Variants in SPOCK3 observed in about 807,000 individuals in gnomAD.
The protein encoded by SPOCK3 is testican-3.
SPOCK3 carries 30 observed loss-of-function variants against 56.6 expected under a neutral mutation model. That is an observed-to-expected ratio of 0.53 (90% CI 0.40 to 0.72). The LOEUF (loss-of-function observed/expected upper bound fraction) is 0.72. Ranked by LOEUF, SPOCK3 falls within the 30% of genes least tolerant of loss-of-function variation. The pLI is 0.00. For synonymous variants in SPOCK3, 196 were observed against 183.3 expected (o/e 1.07, Z -0.56); for missense variants, 527 against 530.0 (o/e 0.99, Z 0.06).
intron 2 of SPOCK3, among the ~76,000 whole-genome samples, chr4:167,204,693 C>G (rs1174588671): frequency 6.6e-6 from 1 of 151,828 alleles, no homozygotes; most frequent in African/African-American, 2.4e-5. Flanking sequence ...TCAGAACTCT[C>G]TTTGGTTAAT....
intron 4 of SPOCK3, among the ~76,000 whole-genome samples, chr4:166,950,236 G>A (rs1253349194): frequency 6.6e-6 from 1 of 151,732 alleles, no homozygotes; most frequent in African/African-American, 2.4e-5. Flanking sequence ...AAAGAATGCA[G>A]GAAGATCTAC....
At chr4:167,014,052 T>A (rs1386197180) in intron 3 of SPOCK3, among the ~76,000 whole-genome samples, 1 of 152,124 alleles carries the variant, frequency 6.6e-6, no homozygotes, top group Non-Finnish European at 1.5e-5. Context: ...ATTTGGCCAT[T>A]ATCATTTGAC....
intron 2 of SPOCK3, among the ~76,000 whole-genome samples, chr4:167,090,884 C>T (rs1758646919): frequency 6.6e-6 from 1 of 151,806 alleles, no homozygotes; most frequent in African/African-American, 2.4e-5. Flanking sequence ...ACAAAATTAA[C>T]CAATATTAAC....
rs529503543 is a variant in SPOCK3, at chr4:166,950,888, G to A, written c.351-38145C>T. Among the ~76,000 whole-genome samples the A allele has an allele frequency of 4.1e-4, 59 of 144,870 alleles. No homozygotes were observed. The East Asian group carries it at 7.9e-3, about 19-fold the overall frequency. ...AATAAAGATGTTCTTTGAAACCAACGAGAACAAAGACACAACATACCAGAA... is the reference window on the plus strand; with the variant it reads ...AATAAAGATGTTCTTTGAAACCAACAAGAACAAAGACACAACATACCAGAA... On this transcript the variant is annotated intron_variant, in intron 4 of 10. Transcript: ENST00000357545.
chr4:167,072,000 T>C (rs1756732324), intron 2 of SPOCK3, among the ~76,000 whole-genome samples: 3 of 152,066 alleles, frequency 2.0e-5, no homozygotes, highest in Admixed American at 1.3e-4. Flanking sequence ...CATTAACACA[T>C]GTAAAAACAT....
intron 6 of SPOCK3, among the ~76,000 whole-genome samples, chr4:166,825,806 T>C (rs1362218063): frequency 6.6e-6 from 1 of 151,986 alleles, no homozygotes; most frequent in African/African-American, 2.4e-5. Flanking sequence ...AAATCAAATA[T>C]TGTATGTTCT....
intron 4 of SPOCK3, among the ~76,000 whole-genome samples, chr4:166,958,119 G>T (rs1380015186): frequency 1.3e-5 from 2 of 152,146 alleles, no homozygotes; most frequent in Non-Finnish European, 2.9e-5. Context: ...TGGACCATGG[G>T]GGTGGATTTC....
chr4:166,849,704 T>C (rs1748481975), intron 6 of SPOCK3, among the ~76,000 whole-genome samples: 1 of 152,198 alleles, frequency 6.6e-6, no homozygotes, highest in African/African-American at 2.4e-5. Flanking sequence ...GTAATTTTCG[T>C]CATGCAAAAC....
chr4:166,936,325 TA>T, intron 4 of SPOCK3, among the ~76,000 whole-genome samples: 1 of 152,242 alleles, frequency 6.6e-6, no homozygotes, highest in East Asian at 1.9e-4. Flanking sequence ...AATTAATTTT[TA>T]AAAGTTAAAA....
chr4:167,109,396 T>C (rs1400245658), intron 2 of SPOCK3, among the ~76,000 whole-genome samples: 2 of 86,630 alleles, frequency 2.3e-5, no homozygotes, highest in African/African-American at 4.4e-5. Flanking sequence ...TATAAATATA[T>C]ATTTATATAT....
chr4:167,198,919 A>G (rs939867074), intron 2 of SPOCK3, among the ~76,000 whole-genome samples: 1 of 152,102 alleles, frequency 6.6e-6, no homozygotes, highest in African/African-American at 2.4e-5. Context: ...TTAATTTAAG[A>G]AGCTCCAGAA....
At chr4:166,957,547 C>T (rs1489399045) in intron 4 of SPOCK3, among the ~76,000 whole-genome samples, 4 of 152,116 alleles carry the variant, frequency 2.6e-5, no homozygotes, top group African/African-American at 4.8e-5. Flanking sequence ...TCTTTGACTC[C>T]TCTTTATTTT....
chr4:167,062,423 T>C, intron 3 of SPOCK3, 69 bp downstream of exon 3: 1 of 1,237,302 alleles, frequency 8.1e-7, no homozygotes, highest in South Asian at 1.4e-5. Context: ...AGACAGTAAA[T>C]ATCATTTCTA....
At chr4:166,772,889 C>T (rs1446882187) in intron 7 of SPOCK3, among the ~76,000 whole-genome samples, 2 of 152,108 alleles carry the variant, frequency 1.3e-5, no homozygotes, top group East Asian at 3.9e-4. Flanking sequence ...CTCCTGAGCT[C>T]AAGTGATCTT....
chr4:166,891,936 C>A (rs1734831879), intron 5 of SPOCK3, among the ~76,000 whole-genome samples: 2 of 151,892 alleles, frequency 1.3e-5, no homozygotes, highest in South Asian at 4.1e-4. Context: ...ATGTGTTATA[C>A]CACACTCATT....
At chr4:166,814,234 T>C (rs6829719) in intron 6 of SPOCK3, among the ~76,000 whole-genome samples, 22,231 of 152,092 alleles carry the variant, frequency 0.15, 1,898 homozygotes, top group African/African-American at 0.22. Flanking sequence ...AATTTGGCTC[T>C]TTCTGACTTC....
chr4:167,000,671 A>G (rs1748858840), intron 3 of SPOCK3, among the ~76,000 whole-genome samples: 1 of 152,194 alleles, frequency 6.6e-6, no homozygotes. Context: ...CTCTATTCAG[A>G]AGCTAAGATG....
chr4:166,934,376 T>C (rs1181176660), intron 4 of SPOCK3, among the ~76,000 whole-genome samples: 1 of 149,754 alleles, frequency 6.7e-6, no homozygotes, highest in Non-Finnish European at 1.5e-5. Context: ...GGGGCACCTG[T>C]AGTCCAAGCT....
intron 3 of SPOCK3, among the ~76,000 whole-genome samples, chr4:167,061,200 G>C (rs948643777): frequency 6.6e-6 from 1 of 151,844 alleles, no homozygotes; most frequent in Non-Finnish European, 1.5e-5. Flanking sequence ...GATGCACCAA[G>C]TATGACAAAT....
Sources: gnomAD v4.1 joint callset for allele counts (sites outside exome capture counted in the v4.1 genomes callset) on GRCh38, gnomAD v4.1.1 for gene constraint, MANE v1.5 for transcripts, NCBI Gene and HGNC (gene_info 2026-07-23, HGNC 2026-07-21) for gene names.